DPYSL3: variants seen among roughly 807,000 people sequenced by gnomAD.
DPYSL3 encodes dihydropyrimidinase-related protein 3.
A neutral mutation model predicts 66.1 loss-of-function variants in DPYSL3; 16 were observed. That is an observed-to-expected ratio of 0.24 (90% CI 0.16 to 0.37). The LOEUF (loss-of-function observed/expected upper bound fraction) is 0.37, where lower values mean the gene tolerates loss of function less well. Among genes scored for constraint, DPYSL3 ranks in the 10% least tolerant of loss-of-function variants. The probability of loss-of-function intolerance (pLI) is 1.00; values close to 1 mark genes in which losing one functional copy is unlikely to be tolerated. For missense variants in DPYSL3, 738 were observed against 916.2 expected (o/e 0.81, Z 2.51); for synonymous variants, 338 against 345.1 (o/e 0.98, Z 0.23).
intron 1 of DPYSL3, among the ~76,000 whole-genome samples, chr5:147,471,698 T>C (rs943955872): frequency 6.6e-6 from 1 of 152,104 alleles, no homozygotes; most frequent in East Asian, 1.9e-4. Context: ...AGACATCTAG[T>C]GCATTGGTTC....
In DPYSL3 at chr5:147,394,064, C is replaced by A; in HGVS notation, c.2026G>T (p.Gly676Cys). Residue 676 changes from glycine to cysteine, a missense_variant, in exon 14 of 14, where the codon GGC becomes TGC. Gly to Cys is a radical substitution (Grantham distance 159, BLOSUM62 -3). Coordinates refer to ENST00000343218, the MANE Select transcript of DPYSL3 (RefSeq NM_001197294.2). ...ASKRIVAPPG[G>C]RSNITSLS ...CTCAGAGATGTGATATTAGAACGGC[C>A]GCCTGGGGGCGCCACGATGCGCTTG... is the stretch of plus-strand genomic sequence containing the variant. The A allele has an allele frequency of 6.2e-7, 1 of 1,614,142 alleles. No individual in the cohort carries two copies. Among genetic ancestry groups the A allele is most frequent in the Non-Finnish European group, 8.5e-7 (1 of 1,180,020 alleles).
chr5:147,394,094 C>T lies in DPYSL3; in HGVS notation c.1996G>A (p.Ala666Thr). Reference protein sequence around the residue: ...GTQVDEGVRSASKRIVAPPGG... With the variant: ...GTQVDEGVRSTSKRIVAPPGG... ...GGGGGCGCCACGATGCGCTTGCTGG[C>T]TGAGCGAACCCCCTCATCCACTTGG... The change falls in exon 14 of 14, where the codon GCC (alanine) becomes ACC (threonine). Residue 666 changes from alanine (A) to threonine (T), a missense_variant. Physicochemically the swap from Ala to Thr is moderately conservative, Grantham distance 58. Transcript: ENST00000343218. 1 of 1,614,138 alleles carries T rather than the reference C, an allele frequency of 6.2e-7. No individual in the cohort carries two copies. The highest frequency in any genetic ancestry group is 8.5e-7 in the Non-Finnish European group (1 of 1,180,020).
intron 12 of DPYSL3, among the ~76,000 whole-genome samples, chr5:147,396,871 A>G (rs1035752954): frequency 7.0e-5 from 10 of 143,640 alleles, no homozygotes; most frequent in East Asian, 3.9e-4. Flanking sequence ...GTGTGTATAT[A>G]TATATATATA....
intron 1 of DPYSL3, among the ~76,000 whole-genome samples, chr5:147,470,536 G>C (rs1753070633): frequency 1.3e-5 from 2 of 152,002 alleles, no homozygotes; most frequent in South Asian, 4.2e-4. Context: ...CCACTTACCT[G>C]TAAGTGAGTC....
chr5:147,410,877 C>T (rs1052532740), intron 6 of DPYSL3, among the ~76,000 whole-genome samples: 2 of 152,128 alleles, frequency 1.3e-5, no homozygotes, highest in Non-Finnish European at 2.9e-5. Flanking sequence ...TGGAAAAATG[C>T]CCCTACTCTT....
intron 1 of DPYSL3, among the ~76,000 whole-genome samples, chr5:147,430,226 C>T (rs193242908): frequency 4.4e-4 from 67 of 151,882 alleles, no homozygotes; most frequent in Middle Eastern, 3.4e-3. Flanking sequence ...CCAGGTGTGG[C>T]GGCTCACGCC....
chr5:147,505,806 T>C (rs1226072713), intron 1 of DPYSL3, among the ~76,000 whole-genome samples: 1 of 151,928 alleles, frequency 6.6e-6, no homozygotes, highest in East Asian at 1.9e-4. Flanking sequence ...AGAAGAAGGG[T>C]TCTAGAGGTG....
intron 1 of DPYSL3, among the ~76,000 whole-genome samples, chr5:147,437,700 G>A (rs1186898522): frequency 2.6e-5 from 4 of 152,214 alleles, no homozygotes; most frequent in African/African-American, 7.2e-5. Context: ...ATACAGGAGT[G>A]CAAAGAGGGT....
At chr5:147,504,638 T>C (rs984330971) in intron 1 of DPYSL3, among the ~76,000 whole-genome samples, 20 of 152,232 alleles carry the variant, frequency 1.3e-4, no homozygotes, top group African/African-American at 4.8e-4. Context: ...TGAAAACTTT[T>C]AGCCCAGGAA....
intron 1 of DPYSL3, among the ~76,000 whole-genome samples, chr5:147,500,546 A>G (rs1039705690): frequency 6.6e-6 from 1 of 150,566 alleles, no homozygotes; most frequent in African/African-American, 2.4e-5. Flanking sequence ...CCTGGGAGAT[A>G]GAGATTGCAG....
At chr5:147,396,865 G>GTATATA (rs10561140) in intron 12 of DPYSL3, among the ~76,000 whole-genome samples, 25 of 144,638 alleles carry the variant, frequency 1.7e-4, no homozygotes, top group Non-Finnish European at 2.1e-4. Flanking sequence ...GTATATGTGT[G>GTATATA]TATATATATA....
rs747979510 is a variant in DPYSL3, at chr5:147,415,700, C to T, written c.820+9G>A. ...AAGAGAGGAGGGAGGACGGCATGTC[C>T]GGGCTCACCTTTGTCCTTGATGAGG... On this transcript the variant is annotated intron_variant, in intron 4 of 13. Coordinates refer to ENST00000343218, the MANE Select transcript of DPYSL3 (RefSeq NM_001197294.2). 8 of 1,612,258 alleles carry T rather than the reference C, an allele frequency of 5.0e-6. No individual in the cohort carries two copies. Among genetic ancestry groups the T allele is most frequent in the Admixed American group, 1.7e-5 (1 of 59,896 alleles).
At chr5:147,429,412 G>GT (rs952357791) in intron 1 of DPYSL3, among the ~76,000 whole-genome samples, 25 of 151,938 alleles carry the variant, frequency 1.6e-4, no homozygotes, top group Non-Finnish European at 3.4e-4. Flanking sequence ...TCAGAGCATC[G>GT]TTTTTTTTCA....
At chr5:147,475,063 G>C (rs561507410) in intron 1 of DPYSL3, among the ~76,000 whole-genome samples, 9 of 152,122 alleles carry the variant, frequency 5.9e-5, no homozygotes, top group Admixed American at 5.2e-4. Flanking sequence ...GACTAAACAT[G>C]CAGTAACCAT....
intron 2 of DPYSL3, among the ~76,000 whole-genome samples, chr5:147,423,336 T>TTCAC (rs57113489): frequency 0.074 from 11,329 of 152,190 alleles, 1,102 homozygotes; most frequent in African/African-American, 0.22. Flanking sequence ...CATTCATTCA[T>TTCAC]TCACTCACTC....
At chr5:147,424,025 G>A (rs532704819) in intron 2 of DPYSL3, among the ~76,000 whole-genome samples, 6 of 152,218 alleles carry the variant, frequency 3.9e-5, no homozygotes, top group East Asian at 3.9e-4. Flanking sequence ...ATGCCCGGCC[G>A]ACCGCAAGCT....
At chr5:147,410,616 T>C (rs1751833629) in intron 6 of DPYSL3, among the ~76,000 whole-genome samples, 1 of 152,102 alleles carries the variant, frequency 6.6e-6, no homozygotes, top group Admixed American at 6.5e-5. Context: ...TGGCGTATAG[T>C]AGATGCTCAA....
chr5:147,395,232 C>T (rs143779718), intron 13 of DPYSL3, among the ~76,000 whole-genome samples: 17 of 152,334 alleles, frequency 1.1e-4, no homozygotes, highest in African/African-American at 4.1e-4. Flanking sequence ...GCATAGCGCT[C>T]ATAGGCTAAT....
chr5:147,412,600 G>T lies in DPYSL3; in HGVS notation c.963+8C>A. On this transcript the variant is annotated splice_region_variant and intron_variant, in intron 6 of 13. Coordinates refer to ENST00000343218, the MANE Select transcript of DPYSL3 (RefSeq NM_001197294.2). ...CAAAGCACGCTCCAGGGAGCTGCACGGTGTTACCTGGGCAATGATATCCCC... is the reference window on the plus strand; with the variant it reads ...CAAAGCACGCTCCAGGGAGCTGCACTGTGTTACCTGGGCAATGATATCCCC... The T allele has an allele frequency of 6.2e-7, 1 of 1,610,278 alleles. No homozygotes were observed. The highest frequency in any genetic ancestry group is 1.1e-5 in the South Asian group (1 of 90,206).
Sources: allele counts gnomAD v4.1 joint callset (sites outside exome capture counted in the v4.1 genomes callset), GRCh38; gene constraint gnomAD v4.1.1; transcripts MANE v1.5; gene names NCBI Gene and HGNC (gene_info 2026-07-23, HGNC 2026-07-21).